The following PTPN4 variants were observed in gnomAD, a reference collection of about 807,000 sequenced individuals.
PTPN4 encodes the protein protein tyrosine phosphatase non-receptor type 4, also known as tyrosine-protein phosphatase non-receptor type 4.
PTPN4 carries 49 observed loss-of-function variants against 135.5 expected under a neutral mutation model. The ratio of observed to expected loss-of-function variants is 0.36; its 90% CI spans 0.29 to 0.46. The LOEUF is 0.46. Among genes scored for constraint, PTPN4 ranks in the 20% least tolerant of loss-of-function variants. The pLI is 1.00. For synonymous variants in PTPN4, 333 were observed against 369.9 expected (o/e 0.90, Z 1.14); for missense variants, 860 against 1,101.0 (o/e 0.78, Z 3.10).
chr2:119,764,813 C>A (rs1027291422), intron 1 of PTPN4, among the ~76,000 whole-genome samples: 1 of 152,124 alleles, frequency 6.6e-6, no homozygotes, highest in Non-Finnish European at 1.5e-5. Context: ...ACTGTAACAA[C>A]GTTTACCCTT....
intron 16 of PTPN4, 99 bp from the exon 17 acceptor site, chr2:119,946,242 A>G: frequency 5.6e-6 from 5 of 897,740 alleles, no homozygotes; most frequent in Non-Finnish European, 8.4e-6. Context: ...TTTACAAACT[A>G]TGCATAATAT....
Position 119,978,719 on chromosome 2 carries a change from C to A in PTPN4, c.*1649C>A, listed in dbSNP as rs1206690635. The A allele has an allele frequency of 2.0e-5, 3 of 152,068 alleles. No homozygotes were observed. The highest frequency in any genetic ancestry group is 6.5e-5 in the Admixed American group (1 of 15,272). 9.4% of individuals were successfully genotyped at this position (152,068 alleles called of 1,614,324 possible). On this transcript the variant is annotated 3_prime_UTR_variant, in exon 27 of 27. Coordinates refer to ENST00000263708, the MANE Select transcript of PTPN4 (RefSeq NM_002830.4). The stretch of plus-strand genomic sequence containing the variant: ...GGGTTTTAAAAGATTCATTTCCTAG[C>A]AGTTTCTGAATATTTCTGTAAGATC...
intron 8 of PTPN4, among the ~76,000 whole-genome samples, chr2:119,885,556 A>G (rs888226471): frequency 2.0e-5 from 3 of 152,332 alleles, no homozygotes; most frequent in Non-Finnish European, 2.9e-5. Context: ...AATAGTGAGG[A>G]GCTTTAAAAA....
intron 2 of PTPN4, among the ~76,000 whole-genome samples, chr2:119,853,031 A>G (rs975937156): frequency 6.6e-6 from 1 of 152,108 alleles, no homozygotes; most frequent in African/African-American, 2.4e-5. Flanking sequence ...GGTTTGTTTT[A>G]TGACCCAGGA....
At chr2:119,901,284 G>C (rs781100532) in intron 10 of PTPN4, among the ~76,000 whole-genome samples, 20 of 152,184 alleles carry the variant, frequency 1.3e-4, no homozygotes, top group Admixed American at 6.5e-5. Flanking sequence ...ATGAAAGAAT[G>C]ATTCCTCCCT....
Position 119,955,174 on chromosome 2 carries a change from G to T in PTPN4, c.1831G>T (p.Glu611Ter). 1 of 1,608,338 alleles carries T rather than the reference G, an allele frequency of 6.2e-7. No homozygotes were observed. Residue 611 changes from glutamate (E) to a stop codon, truncating the protein, a stop_gained, in exon 20 of 27, where the codon GAA (glutamate) becomes TAA (stop). Coordinates refer to ENST00000263708, the MANE Select transcript of PTPN4 (RefSeq NM_002830.4). LOFTEE classifies it high-confidence loss of function. ...VRPNAVYDVV[E>*]EKLENEPDFQ... ...TTTTTTAGCTGTATATGATGTAGTG[G>T]AAGAAAAGCTAGAAAATGAGCCAGA...
intron 18 of PTPN4, among the ~76,000 whole-genome samples, chr2:119,946,969 A>G (rs1679143511): frequency 6.6e-6 from 1 of 152,128 alleles, no homozygotes; most frequent in Non-Finnish European, 1.5e-5. Flanking sequence ...TTAAATGGAA[A>G]TGATACTACA....
At chr2:119,901,461 G>A (rs1031517227) in intron 10 of PTPN4, among the ~76,000 whole-genome samples, 12 of 152,160 alleles carry the variant, frequency 7.9e-5, no homozygotes, top group African/African-American at 2.9e-4. Flanking sequence ...GACACCTACG[G>A]TTTGTACACA....
rs142248462 is a variant in PTPN4 at position 119,851,086 on chromosome 2, T to C, written c.139-11450T>C. ...GGAAGTTCCATCCTCTACTGTTTTC[T>C]GGAGGAAGATTGTGTAGAATTATTC... On this transcript the variant is annotated intron_variant, in intron 2 of 26. Coordinates refer to ENST00000263708, the MANE Select transcript of PTPN4 (RefSeq NM_002830.4). Among the ~76,000 whole-genome samples the C allele has an allele frequency of 8.5e-4, 129 of 152,348 alleles. 5 individuals carry two copies. In the East Asian group the frequency reaches 0.018, roughly 21 times the overall value.
At position 119,766,466 on chromosome 2, in the gene PTPN4, GTGTGTGTGTGTGTGTGTC is replaced by G. The variant is rs1427771398; in HGVS notation, c.-18+6100_-18+6117del. Among the ~76,000 whole-genome samples, 544 of 142,518 alleles carry G rather than the reference GTGTGTGTGTGTGTGTGTC, an allele frequency of 3.8e-3. 4 individuals carry two copies. Among genetic ancestry groups the G allele is most frequent in the African/African-American group, 0.011 (377 of 35,840 alleles). The allele number at this position is 142,518 out of a possible 152,430, so 93.5% of individuals were successfully genotyped here. On this transcript the variant is annotated intron_variant, in intron 1 of 26. Transcript: ENST00000263708. ...TGTGCGCGCGTGTGTGTGTGTGTGTGTGTGTGTGTGTGTGTGTCTGTGTGTGTGTGTGTGTGTGTGTGT... is the reference window on the plus strand; with the variant it reads ...TGTGCGCGCGTGTGTGTGTGTGTGTGTGTGTGTGTGTGTGTGTGTGTGTGT...
intron 15 of PTPN4, among the ~76,000 whole-genome samples, chr2:119,935,760 T>C (rs1019760487): frequency 2.0e-5 from 3 of 152,198 alleles, no homozygotes; most frequent in African/African-American, 4.8e-5. Context: ...TTAATAATTA[T>C]ATATGTTCTA....
At chr2:119,835,385 A>G (rs1677276284) in intron 2 of PTPN4, among the ~76,000 whole-genome samples, 1 of 152,192 alleles carries the variant, frequency 6.6e-6, no homozygotes, top group South Asian at 2.1e-4. Flanking sequence ...GGGTTTTACC[A>G]TCTTGGCCAG....
intron 2 of PTPN4, among the ~76,000 whole-genome samples, chr2:119,854,198 C>T (rs1677638370): frequency 6.6e-6 from 1 of 152,086 alleles, no homozygotes; most frequent in Admixed American, 6.5e-5. Context: ...CACGCGGAGT[C>T]ATCTGGAGGC....
intron 1 of PTPN4, among the ~76,000 whole-genome samples, chr2:119,788,285 A>C (rs1365086108): frequency 1.3e-5 from 2 of 152,174 alleles, no homozygotes; most frequent in Non-Finnish European, 2.9e-5. Context: ...ATCACAAATT[A>C]AGAGATGCTA....
intron 2 of PTPN4, among the ~76,000 whole-genome samples, chr2:119,817,498 T>A (rs1431175419): frequency 1.3e-5 from 2 of 152,136 alleles, no homozygotes; most frequent in Admixed American, 6.5e-5. Flanking sequence ...ATTTCTGGGC[T>A]TTCTGTTCTG....
In PTPN4 at chr2:119,848,758, G is replaced by A. The variant is rs183875117; in HGVS notation, c.139-13778G>A. Reference sequence around the variant, plus strand: ...TGGGATTGCAGGCACATGCCACCACGCCTAGCTAGTTTTTGTATTTTTAGT... The same window carrying A: ...TGGGATTGCAGGCACATGCCACCACACCTAGCTAGTTTTTGTATTTTTAGT... On this transcript the variant is annotated intron_variant, in intron 2 of 26. Transcript: ENST00000263708. Among the ~76,000 whole-genome samples, 62 of 151,662 alleles carry A rather than the reference G, an allele frequency of 4.1e-4. 1 individual carries two copies. The East Asian group carries it at 0.011, about 27-fold the overall frequency.
chr2:119,889,420 A>G (rs1367978617), intron 9 of PTPN4, among the ~76,000 whole-genome samples: 2 of 152,110 alleles, frequency 1.3e-5, no homozygotes, highest in African/African-American at 4.8e-5. Flanking sequence ...ACTCTGTCTC[A>G]AAAAGAAAAA....
intron 2 of PTPN4, among the ~76,000 whole-genome samples, chr2:119,812,975 A>G (rs899768): frequency 0.038 from 5,741 of 152,204 alleles, 372 homozygotes; most frequent in African/African-American, 0.13. Context: ...GTGACTGCGT[A>G]AGAAATTACC....
chr2:119,775,825 C>CTATATATCTATATCTATATATCTATCTA (rs1171556427), intron 1 of PTPN4, among the ~76,000 whole-genome samples: 2 of 151,528 alleles, frequency 1.3e-5, no homozygotes, highest in African/African-American at 4.8e-5. Flanking sequence ...ATATCTATAT[C>CTATATATCTATATCTATATATCTATCTA]TATATCTATA....
Sources: gnomAD v4.1 joint callset for allele counts (sites outside exome capture counted in the v4.1 genomes callset) on GRCh38, gnomAD v4.1.1 for gene constraint, MANE v1.5 for transcripts, NCBI Gene and HGNC (gene_info 2026-07-23, HGNC 2026-07-21) for gene names.